Variants in ARL5C observed in about 807,000 individuals in gnomAD.
ARL5C encodes the protein putative ADP-ribosylation factor-like protein 5C.
A neutral mutation model predicts 20.8 loss-of-function variants in ARL5C; 21 were observed. That is an observed-to-expected ratio of 1.01 (90% CI 0.72 to 1.46). ARL5C has a LOEUF of 1.46. Among genes scored for constraint, ARL5C ranks in the 40% most tolerant of loss-of-function variants. The probability of loss-of-function intolerance (pLI) is 0.00; values close to 1 mark genes in which losing one functional copy is unlikely to be tolerated. For synonymous variants in ARL5C, 71 were observed against 81.6 expected (o/e 0.87, Z 0.70); for missense variants, 199 against 225.1 (o/e 0.88, Z 0.74).
At chr17:39,157,975 G>A (rs1597667116) in intron 5 of ARL5C, among the ~76,000 whole-genome samples, 1 of 151,948 alleles carries the variant, frequency 6.6e-6, no homozygotes, top group East Asian at 1.9e-4. Flanking sequence ...GCTCACGCCT[G>A]TAATCCCGGC....
rs151045610 is a variant in ARL5C, at chr17:39,156,923, A to G, written c.511T>C (p.Trp171Arg). 3,800 of 1,551,816 alleles carry G rather than the reference A, an allele frequency of 2.4e-3. 77 individuals carry two copies. In the South Asian group the frequency reaches 0.027, roughly 11 times the overall value. The change falls in exon 6 of 6, where the codon TGG (tryptophan) becomes CGG (arginine). Residue 171 changes from tryptophan (W) to arginine (R), a missense_variant. Trp to Arg is a moderately radical substitution (Grantham distance 101). Transcript: ENST00000269586. ...TREGLPARLQ[W>R]MESQAAAN Reference sequence around the variant, plus strand: ...TTAGCAGCGGCCTGAGATTCCATCCACTGAAGTCTGGCAGGCAGCCTGCAG... The same window carrying G: ...TTAGCAGCGGCCTGAGATTCCATCCGCTGAAGTCTGGCAGGCAGCCTGCAG...
rs532489718 is a variant in ARL5C, at chr17:39,159,544, G to T, written c.491+1047C>A. 4.6e-5 allele frequency among the ~76,000 whole-genome samples: 7 copies of T among 152,114 alleles called. No individual in the cohort carries two copies. The East Asian group carries it at 7.8e-4, about 17-fold the overall frequency. On this transcript the variant is annotated intron_variant, in intron 5 of 5. Coordinates refer to ENST00000269586, the MANE Select transcript of ARL5C (RefSeq NM_001143968.1). ...ACTCCCGACCTTGGGTGATCTGCCC[G>T]CCTTGGCCTCCCAAAGTGCTGGGAT...
chr17:39,165,251 C>T (rs2045456993), intron 1 of ARL5C, 112 bp from the exon 2 acceptor site: 3 of 1,057,414 alleles, frequency 2.8e-6, no homozygotes, highest in South Asian at 2.8e-5. Context: ...GGCTGGGGAC[C>T]TCTGCCCACC....
chr17:39,165,123 G>A lies in ARL5C; in HGVS notation c.63C>T (p.Ile21=). The A allele has an allele frequency of 1.6e-5, 25 of 1,551,592 alleles. No homozygotes were observed. The highest frequency in any genetic ancestry group is 2.2e-5 in the Non-Finnish European group (25 of 1,146,966). ...IFGNQEHTVI[I]VGLDNEGKTT... ...TCTTTCCTTCATTGTCCAGTCCCACGATGATGACCGTGTGCTCTGGAAGCG... is the reference window on the plus strand; with the variant it reads ...TCTTTCCTTCATTGTCCAGTCCCACAATGATGACCGTGTGCTCTGGAAGCG... Residue 21 remains isoleucine, a synonymous_variant, in exon 2 of 6, where the codon ATC becomes ATT. Transcript: ENST00000269586.
chr17:39,164,916 G>C (rs1488442347), intron 2 of ARL5C, 163 bp downstream of exon 2: 11 of 645,754 alleles, frequency 1.7e-5, no homozygotes, highest in Non-Finnish European at 2.4e-5. Context: ...ATGCCAGACC[G>C]AGGAGCCGCA....
chr17:39,158,717 AC>A (rs1287867762), intron 5 of ARL5C, among the ~76,000 whole-genome samples: 1 of 151,980 alleles, frequency 6.6e-6, no homozygotes, highest in African/African-American at 2.4e-5. Context: ...GGCCCTTTCT[AC>A]GTGGCCCAGC....
In ARL5C at chr17:39,161,313, C is replaced by A. The variant is rs11653423; in HGVS notation, c.294G>T (p.Arg98=). The change falls in exon 4 of 6, where the codon CGG becomes CGT. Residue 98 remains arginine (R), a synonymous_variant. Transcript: ENST00000269586. ...ATAGCTCCTCCCGAGTGGTCAGCAG[C>A]CGATCCCGGTCCGTGCTGTCAATCA... The part of the protein sequence containing the change: ...ILVIDSTDRD[R]LLTTREELYK... 0.017 allele frequency: 26,131 copies of A among 1,551,798 alleles called. 2,866 individuals are homozygous for A. In the African/African-American group the frequency reaches 0.27, roughly 16 times the overall value.
intron 2 of ARL5C, 39 bp downstream of exon 2, chr17:39,165,040 G>A (rs1316147087): frequency 1.3e-6 from 2 of 1,546,658 alleles, no homozygotes; most frequent in Non-Finnish European, 1.8e-6. Context: ...TCTGGTGGGA[G>A]GCCCAGCTCT....
In ARL5C at chr17:39,165,788, G is replaced by C. The variant is rs1451224733; in HGVS notation, c.-28C>G. Reference sequence around the variant, plus strand: ...CACTTCCCGGGCCGGACAGGTGCAGGAGGGCTCAGCGGCCTCAGGAGCGGA... The same window carrying C: ...CACTTCCCGGGCCGGACAGGTGCAGCAGGGCTCAGCGGCCTCAGGAGCGGA... On this transcript the variant is annotated 5_prime_UTR_variant, in exon 1 of 6. Coordinates refer to ENST00000269586, the MANE Select transcript of ARL5C (RefSeq NM_001143968.1). 1 of 1,551,658 alleles carries C rather than the reference G, an allele frequency of 6.4e-7. No homozygotes were observed. The highest frequency in any genetic ancestry group is 8.7e-7 in the Non-Finnish European group (1 of 1,146,960).
chr17:39,166,025 C>T lies in ARL5C; in HGVS notation c.-265G>A. On this transcript the variant is annotated 5_prime_UTR_variant, in exon 1 of 6. Coordinates refer to ENST00000269586, the MANE Select transcript of ARL5C (RefSeq NM_001143968.1). Reference sequence around the variant, plus strand: ...TATGGGGGTTCCAGGCTCCAGCCCTCCCCCTCGCCCTGCGAAAACTCCTGA... The same window carrying T: ...TATGGGGGTTCCAGGCTCCAGCCCTTCCCCTCGCCCTGCGAAAACTCCTGA... The T allele has an allele frequency of 2.0e-6, 1 of 502,572 alleles. No homozygotes were observed. The allele number at this position is 502,572 out of a possible 1,614,324, so 31.1% of individuals were successfully genotyped here. A position where few individuals can be genotyped will look rare whatever the true frequency, so the allele number is the denominator to read the frequency against.
chr17:39,160,087 C>T (rs1442678631), intron 5 of ARL5C: 1 of 155,152 alleles, frequency 6.4e-6, no homozygotes, highest in Non-Finnish European at 1.4e-5. Context: ...AATCCCAACA[C>T]TTTGGAAGGC....
At chr17:39,163,921 C>T (rs1263148664) in intron 2 of ARL5C, among the ~76,000 whole-genome samples, 3 of 151,792 alleles carry the variant, frequency 2.0e-5, no homozygotes, top group East Asian at 3.9e-4. Flanking sequence ...TGTGCCACCA[C>T]GCCCAGCTAA....
chr17:39,163,378 C>CTT (rs781338378), intron 2 of ARL5C, among the ~76,000 whole-genome samples: 45 of 131,734 alleles, frequency 3.4e-4, no homozygotes, highest in East Asian at 9.3e-4. Context: ...TTCTTTCTTT[C>CTT]TTTCTTTCTT....
At chr17:39,161,376 G>T (rs1331194640) in intron 3 of ARL5C, 25 bp from the exon 4 acceptor site, 2 of 1,548,436 alleles carry the variant, frequency 1.3e-6, no homozygotes, top group Non-Finnish European at 1.7e-6. Context: ...GGAGCCGTGA[G>T]AGACAGGCTT....
intron 2 of ARL5C, among the ~76,000 whole-genome samples, chr17:39,163,342 T>TTGCC (rs2045443687): frequency 1.1e-5 from 1 of 94,768 alleles, no homozygotes; most frequent in Non-Finnish European, 2.5e-5. Flanking sequence ...GTCCAGGCTT[T>TTGCC]TGCCTTTCTT....
chr17:39,163,345 C>CCATTCTTT (rs765643720), intron 2 of ARL5C, among the ~76,000 whole-genome samples: 1 of 136,740 alleles, frequency 7.3e-6, no homozygotes, highest in African/African-American at 2.6e-5. Context: ...CAGGCTTTTG[C>CCATTCTTT]CTTTCTTTCT....
chr17:39,163,504 C>T lies in ARL5C; in HGVS notation c.108-646G>A, dbSNP rs111803680. ...GTCTCCCAGGTTCAAGCAATTCTCC[C>T]GCCTCGGCCTCCTGAGTAGCTGGGA... On this transcript the variant is annotated intron_variant, in intron 2 of 5. Coordinates refer to ENST00000269586, the MANE Select transcript of ARL5C (RefSeq NM_001143968.1). Among the ~76,000 whole-genome samples, 669 of 151,456 alleles carry T rather than the reference C, an allele frequency of 4.4e-3. 7 individuals carry two copies. The highest frequency in any genetic ancestry group is 0.015 in the African/African-American group (634 of 41,268).
chr17:39,163,510 G>C (rs543019404), intron 2 of ARL5C, among the ~76,000 whole-genome samples: 1 of 150,852 alleles, frequency 6.6e-6, no homozygotes, highest in African/African-American at 2.4e-5. Context: ...CTCCCGCCTC[G>C]GCCTCCTGAG....
At chr17:39,163,368 T>TTCTTTCTTTCTTTCTTTCTC (rs2045445734) in intron 2 of ARL5C, among the ~76,000 whole-genome samples, 1 of 131,814 alleles carries the variant, frequency 7.6e-6, no homozygotes, top group Non-Finnish European at 1.5e-5. Flanking sequence ...CTTTCTTTCT[T>TTCTTTCTTTCTTTCTTTCTC]TCTTTCTTTC....
Sources: allele counts gnomAD v4.1 joint callset (sites outside exome capture counted in the v4.1 genomes callset), GRCh38; gene constraint gnomAD v4.1.1; transcripts MANE v1.5; gene names NCBI Gene and HGNC (gene_info 2026-07-23, HGNC 2026-07-21).